LMBR1: variants seen among roughly 807,000 people sequenced by gnomAD.
LMBR1 encodes the protein limb region 1 protein homolog.
LMBR1 carries 52 observed loss-of-function variants against 73.9 expected under a neutral mutation model. The ratio of observed to expected loss-of-function variants is 0.70; its 90% CI spans 0.56 to 0.89. LMBR1 has a LOEUF of 0.89. Among genes scored for constraint, LMBR1 ranks in the 40% least tolerant of loss-of-function variants. The probability of loss-of-function intolerance (pLI) is 0.00; values close to 1 mark genes in which losing one functional copy is unlikely to be tolerated. For synonymous variants in LMBR1, 215 were observed against 209.4 expected (o/e 1.03, Z -0.23); for missense variants, 539 against 579.8 (o/e 0.93, Z 0.72).
chr7:156,701,007 C>T (rs1809560061), intron 15 of LMBR1, among the ~76,000 whole-genome samples: 2 of 152,078 alleles, frequency 1.3e-5, no homozygotes, highest in African/African-American at 4.8e-5. Context: ...GGGAAACCCC[C>T]TTTTTAAAAC....
chr7:156,883,370 G>C (rs1331356355), intron 1 of LMBR1, among the ~76,000 whole-genome samples: 1 of 152,020 alleles, frequency 6.6e-6, no homozygotes, highest in Non-Finnish European at 1.5e-5. Flanking sequence ...CTGCACTCCA[G>C]CCTGGGCAAC....
chr7:156,809,953 T>C lies in LMBR1; in HGVS notation c.320-13461A>G, dbSNP rs574966165. Among the ~76,000 whole-genome samples the C allele has an allele frequency of 3.3e-5, 5 of 152,244 alleles. No homozygotes were observed. In the South Asian group the frequency reaches 8.3e-4, roughly 25 times the overall value. On this transcript the variant is annotated intron_variant, in intron 4 of 16. Coordinates refer to ENST00000353442, the MANE Select transcript of LMBR1 (RefSeq NM_022458.4). ...TTTTGAAATGTTTCTGCCATTAAGT[T>C]TCCAAATATTTTTCTCAACTCCCCT...
intron 7 of LMBR1, 135 bp from the exon 8 acceptor site, chr7:156,762,333 T>C (rs1284426914): frequency 3.2e-6 from 2 of 619,120 alleles, no homozygotes; most frequent in African/African-American, 1.8e-5. Flanking sequence ...CAACTGAGAT[T>C]GTCAGTGTTT....
intron 1 of LMBR1, among the ~76,000 whole-genome samples, chr7:156,877,838 G>A (rs371839004): frequency 7.1e-4 from 106 of 149,810 alleles, no homozygotes; most frequent in African/African-American, 2.5e-3. Context: ...AGCAGAGATC[G>A]CGCCACTGCA....
intron 1 of LMBR1, among the ~76,000 whole-genome samples, chr7:156,853,700 G>A (rs1796552822): frequency 6.6e-6 from 1 of 152,074 alleles, no homozygotes; most frequent in Non-Finnish European, 1.5e-5. Context: ...CTGTCACTGA[G>A]ACTGGAGTGC....
At chr7:156,808,071 G>T (rs1436978206) in intron 4 of LMBR1, among the ~76,000 whole-genome samples, 52 of 151,858 alleles carry the variant, frequency 3.4e-4, no homozygotes, top group Non-Finnish European at 7.4e-5. Context: ...ACATTGTACT[G>T]GAAAAGAATA....
intron 9 of LMBR1, among the ~76,000 whole-genome samples, chr7:156,752,797 G>A (rs1451856767): frequency 1.3e-5 from 2 of 152,168 alleles, no homozygotes; most frequent in African/African-American, 4.8e-5. Context: ...GGGTCAGTCA[G>A]CCAGCTAGGA....
At chr7:156,711,854 G>T (rs976505059) in intron 15 of LMBR1, among the ~76,000 whole-genome samples, 1 of 152,120 alleles carries the variant, frequency 6.6e-6, no homozygotes, top group South Asian at 2.1e-4. Context: ...ATCAACTCAA[G>T]ATGGATTAAA....
At chr7:156,799,248 A>T (rs116687331) in intron 4 of LMBR1, among the ~76,000 whole-genome samples, 2,532 of 151,962 alleles carry the variant, frequency 0.017, 70 homozygotes, top group African/African-American at 0.058. Context: ...CCTAAAGCCG[A>T]TTGCATGTTG....
chr7:156,805,266 G>A (rs1831820987), intron 4 of LMBR1, among the ~76,000 whole-genome samples: 1 of 141,180 alleles, frequency 7.1e-6, no homozygotes, highest in South Asian at 2.3e-4. Context: ...CATCCAGGCT[G>A]GAGTGCAGTG....
At chr7:156,733,089 G>A (rs1338135946) in intron 10 of LMBR1, among the ~76,000 whole-genome samples, 2 of 152,184 alleles carry the variant, frequency 1.3e-5, no homozygotes, top group African/African-American at 4.8e-5. Context: ...AGGTTGCAGT[G>A]AGTTGAGATC....
intron 8 of LMBR1, among the ~76,000 whole-genome samples, chr7:156,758,123 T>C (rs374242622): frequency 6.6e-6 from 1 of 152,172 alleles, no homozygotes; most frequent in East Asian, 1.9e-4. Flanking sequence ...AGTGCTGGAA[T>C]GTGAGCTACT....
intron 9 of LMBR1, among the ~76,000 whole-genome samples, chr7:156,737,286 G>C (rs369040123): frequency 1.6e-4 from 24 of 152,242 alleles, no homozygotes; most frequent in East Asian, 1.2e-3. Flanking sequence ...TTGTCTTCCT[G>C]CTTCTAGATT....
At chr7:156,676,868 G>A (rs1804155263), downstream of LMBR1, 2 of 543,704 alleles carry the variant, frequency 3.7e-6, no homozygotes, top group African/African-American at 1.9e-5. Context: ...TCAAATTTAT[G>A]AGTTTAATCA....
At chr7:156,839,827 G>A (rs538582545) in intron 1 of LMBR1, among the ~76,000 whole-genome samples, 57 of 152,322 alleles carry the variant, frequency 3.7e-4, no homozygotes, top group Non-Finnish European at 7.4e-4. Flanking sequence ...TGGGAACACT[G>A]GCTAGACAAG....
chr7:156,716,012 G>A (rs148325047), intron 15 of LMBR1, among the ~76,000 whole-genome samples: 306 of 152,252 alleles, frequency 2.0e-3, no homozygotes, highest in African/African-American at 7.0e-3. Flanking sequence ...CACTCAACAT[G>A]GTGGCACCCA....
chr7:156,850,005 T>C (rs1001955889), intron 1 of LMBR1, among the ~76,000 whole-genome samples: 1 of 152,162 alleles, frequency 6.6e-6, no homozygotes, highest in Non-Finnish European at 1.5e-5. Context: ...AAAAATAAAG[T>C]CTAATTTTAA....
intron 1 of LMBR1, among the ~76,000 whole-genome samples, chr7:156,876,314 T>G (rs1378127084): frequency 1.3e-5 from 2 of 152,100 alleles, no homozygotes; most frequent in East Asian, 3.8e-4. Context: ...CTCCCAAATT[T>G]ACAAAACAAT....
chr7:156,810,308 G>A (rs555665822), intron 4 of LMBR1, among the ~76,000 whole-genome samples: 4 of 152,246 alleles, frequency 2.6e-5, no homozygotes, highest in South Asian at 2.1e-4. Context: ...CCCACCTCCC[G>A]GGAGGGAATT....
Sources: allele counts gnomAD v4.1 joint callset (sites outside exome capture counted in the v4.1 genomes callset), GRCh38; gene constraint gnomAD v4.1.1; transcripts MANE v1.5; gene names NCBI Gene and HGNC (gene_info 2026-07-23, HGNC 2026-07-21).